ADAMTSL3: variants seen among roughly 807,000 people sequenced by gnomAD.
The protein encoded by ADAMTSL3 is ADAMTS-like protein 3.
A neutral mutation model predicts 201.7 loss-of-function variants in ADAMTSL3; 128 were observed. The observed-to-expected ratio is 0.63, with a 90% confidence interval of 0.55 to 0.73. ADAMTSL3 has a LOEUF of 0.73. Ranked by LOEUF, ADAMTSL3 falls within the 30% of genes least tolerant of loss-of-function variation. ADAMTSL3 has a pLI of 0.00. For missense variants in ADAMTSL3, 1,990 were observed against 2,119.6 expected (o/e 0.94, Z 1.20); for synonymous variants, 738 against 748.4 (o/e 0.99, Z 0.23).
chr15:83,881,823 C>G (rs1182088133), intron 9 of ADAMTSL3, among the ~76,000 whole-genome samples: 1 of 151,216 alleles, frequency 6.6e-6, no homozygotes, highest in African/African-American at 2.4e-5. Flanking sequence ...CCACTGTTCT[C>G]CAGCCTGAGT....
At chr15:83,994,762 AT>A (rs58549986) in intron 23 of ADAMTSL3, among the ~76,000 whole-genome samples, 35,730 of 112,390 alleles carry the variant, frequency 0.32, 4,771 homozygotes, top group Middle Eastern at 0.43. Flanking sequence ...ATGCCTGGCT[AT>A]TTTTTTTTTT....
intron 23 of ADAMTSL3, among the ~76,000 whole-genome samples, chr15:83,995,498 A>G (rs533710780): frequency 6.6e-6 from 1 of 152,348 alleles, no homozygotes; most frequent in East Asian, 1.9e-4. Context: ...CTTTATCACT[A>G]TATCTGTTCA....
chr15:84,035,686 C>T (rs920404528), intron 28 of ADAMTSL3, among the ~76,000 whole-genome samples: 46 of 152,218 alleles, frequency 3.0e-4, no homozygotes, highest in African/African-American at 1.1e-3. Flanking sequence ...CCATAAAACA[C>T]TCCTTATGGA....
intron 3 of ADAMTSL3, among the ~76,000 whole-genome samples, chr15:83,714,805 T>TTCTTTCTTTCTTTCTTTTTCTC (rs1379563505): frequency 6.8e-6 from 1 of 146,918 alleles, no homozygotes; most frequent in Non-Finnish European, 1.5e-5. Context: ...CTCTCTTTCT[T>TTCTTTCTTTCTTTCTTTTTCTC]TCTTCTTTCT....
chr15:83,912,647 C>T (rs1476467716), intron 15 of ADAMTSL3, among the ~76,000 whole-genome samples: 1 of 152,152 alleles, frequency 6.6e-6, no homozygotes, highest in Non-Finnish European at 1.5e-5. Flanking sequence ...TAAAATTTAG[C>T]TCCTAAACTT....
intron 25 of ADAMTSL3, among the ~76,000 whole-genome samples, chr15:84,019,465 A>G (rs752211861): frequency 1.8e-4 from 28 of 152,262 alleles, no homozygotes; most frequent in Admixed American, 5.9e-4. Context: ...GATAATAGTC[A>G]TTGACAGGAG....
At chr15:84,032,367 A>G (rs1166325909) in intron 28 of ADAMTSL3, among the ~76,000 whole-genome samples, 3 of 152,222 alleles carry the variant, frequency 2.0e-5, no homozygotes, top group Non-Finnish European at 4.4e-5. Flanking sequence ...TTGGCAATGT[A>G]GGGTCAGTTG....
At chr15:84,006,445 G>A (rs1030304995) in intron 23 of ADAMTSL3, among the ~76,000 whole-genome samples, 1 of 152,192 alleles carries the variant, frequency 6.6e-6, no homozygotes, top group East Asian at 1.9e-4. Context: ...GATTTATAGT[G>A]TGGAATATTT....
chr15:83,925,740 C>T (rs561648993), intron 17 of ADAMTSL3, among the ~76,000 whole-genome samples: 161 of 152,220 alleles, frequency 1.1e-3, no homozygotes, highest in African/African-American at 3.3e-3. Flanking sequence ...CGTAGTAATC[C>T]GAATTATTTA....
chr15:83,867,095 A>T (rs1200596518), intron 8 of ADAMTSL3, among the ~76,000 whole-genome samples: 2 of 152,162 alleles, frequency 1.3e-5, no homozygotes, highest in Non-Finnish European at 2.9e-5. Flanking sequence ...CTTTTTTCTT[A>T]GTTTTTATTT....
At chr15:83,671,422 C>T (rs1048284563) in intron 2 of ADAMTSL3, among the ~76,000 whole-genome samples, 6 of 152,126 alleles carry the variant, frequency 3.9e-5, no homozygotes, top group Admixed American at 6.5e-5. Context: ...TTTGTATTTT[C>T]CTAGAAGCCT....
At chr15:83,856,060 A>C (rs1012129042) in intron 7 of ADAMTSL3, among the ~76,000 whole-genome samples, 1 of 147,036 alleles carries the variant, frequency 6.8e-6, no homozygotes, top group Admixed American at 6.9e-5. Context: ...AGCATGATGA[A>C]TGCATTAATC....
intron 2 of ADAMTSL3, among the ~76,000 whole-genome samples, chr15:83,696,049 C>T (rs1187114363): frequency 3.9e-5 from 6 of 152,158 alleles, no homozygotes; most frequent in Non-Finnish European, 8.8e-5. Flanking sequence ...GGAATAGCCC[C>T]TGAGGCCCCA....
At chr15:83,921,132 A>G (rs1358189939) in intron 16 of ADAMTSL3, among the ~76,000 whole-genome samples, 2 of 152,142 alleles carry the variant, frequency 1.3e-5, no homozygotes, top group African/African-American at 2.4e-5. Flanking sequence ...TGTGTAATCT[A>G]TTTACTCTTT....
chr15:83,972,937 C>T (rs949390150), intron 20 of ADAMTSL3, among the ~76,000 whole-genome samples: 26 of 152,148 alleles, frequency 1.7e-4, no homozygotes, highest in Admixed American at 1.5e-3. Context: ...CTCTCTACAC[C>T]GTTTCCCTGC....
chr15:83,847,536 C>T (rs2064525176), intron 7 of ADAMTSL3, among the ~76,000 whole-genome samples: 1 of 146,010 alleles, frequency 6.8e-6, no homozygotes, highest in Non-Finnish European at 1.5e-5. Flanking sequence ...GCTTTTGTTG[C>T]CCAGGCTGGA....
intron 3 of ADAMTSL3, among the ~76,000 whole-genome samples, chr15:83,714,683 CCCTT>C (rs1439204932): frequency 9.1e-5 from 13 of 143,496 alleles, no homozygotes; most frequent in Non-Finnish European, 1.8e-4. Flanking sequence ...CTCCCTCCCT[CCCTT>C]CCTCCCTTCC....
At chr15:83,890,004 TAA>T in intron 10 of ADAMTSL3, 103 bp from the exon 11 acceptor site, 1 of 1,273,310 alleles carries the variant, frequency 7.9e-7, no homozygotes, top group South Asian at 1.5e-5. Context: ...ACCACTGAGT[TAA>T]GTTTCTTAAA....
At chr15:83,701,443 G>A (rs752385510) in intron 2 of ADAMTSL3, among the ~76,000 whole-genome samples, 2 of 152,128 alleles carry the variant, frequency 1.3e-5, no homozygotes, top group Non-Finnish European at 2.9e-5. Context: ...CAACCATTGT[G>A]ATTTATGTCC....
Sources: gnomAD v4.1 joint callset for allele counts (sites outside exome capture counted in the v4.1 genomes callset) on GRCh38, gnomAD v4.1.1 for gene constraint, MANE v1.5 for transcripts, NCBI Gene and HGNC (gene_info 2026-07-23, HGNC 2026-07-21) for gene names.